ARHGAP21: variants seen among roughly 807,000 people sequenced by gnomAD.
ARHGAP21 encodes the protein Rho GTPase activating protein 21.
A neutral mutation model predicts 164.6 loss-of-function variants in ARHGAP21; 38 were observed. The observed-to-expected ratio is 0.23, with a 90% CI of 0.18 to 0.30. The LOEUF is 0.30. Among genes scored for constraint, ARHGAP21 ranks in the 10% least tolerant of loss-of-function variants. The pLI, the probability that ARHGAP21 is intolerant of heterozygous loss-of-function variation, is 1.00. For synonymous variants in ARHGAP21, 766 were observed against 857.9 expected, an observed-to-expected ratio of 0.89 and a Z score of 1.87; for missense variants, 1,822 against 2,370.7, an observed-to-expected ratio of 0.77 and a Z score of 4.81.
intron 4 of ARHGAP21, chr10:24,648,994 T>G: frequency 2.0e-5 from 7 of 353,670 alleles, no homozygotes; most frequent in Non-Finnish European, 2.8e-5. Flanking sequence ...ACATATAGAA[T>G]CACTTTTATT....
chr10:24,632,826 T>C (rs1490175112), intron 6 of ARHGAP21, among the ~76,000 whole-genome samples: 1 of 152,108 alleles, frequency 6.6e-6, no homozygotes, highest in Non-Finnish European at 1.5e-5. Context: ...TTTGGAAAAA[T>C]TTTCTAGTTG....
Position 24,596,052 on chromosome 10 carries a change from CAAGAAAT to C in ARHGAP21, c.3478-16_3478-10del, listed in dbSNP as rs772930597. 1.3e-6 allele frequency: 2 copies of C among 1,581,400 alleles called. No homozygotes were observed. The highest frequency in any genetic ancestry group is 2.7e-5 in the African/African-American group (2 of 73,658). On this transcript the variant is annotated splice_polypyrimidine_tract_variant and intron_variant, in intron 17 of 25. Coordinates refer to ENST00000396432, the MANE Select transcript of ARHGAP21 (RefSeq NM_020824.4). ...ACTATTAATGGAATATACTGCAAAA[CAAGAAAT>C]AAACATTTTATTTAATGCAGCACAA...
At chr10:24,591,586 G>A in intron 23 of ARHGAP21, 56 bp downstream of exon 23, 1 of 1,591,926 alleles carries the variant, frequency 6.3e-7, no homozygotes, top group Non-Finnish European at 8.6e-7. Context: ...TGGCGCGCCA[G>A]GATCTTGTGT....
Position 24,621,092 on chromosome 10 carries a change from T to C in ARHGAP21, c.803A>G (p.Asn268Ser), listed in dbSNP as rs749276398. 2.1e-4 allele frequency: 336 copies of C among 1,613,872 alleles called. No homozygotes were observed. Among genetic ancestry groups the C allele is most frequent in the Non-Finnish European group, 2.7e-4 (318 of 1,179,866 alleles). Residue 268 changes from asparagine to serine, a missense_variant, in exon 9 of 26, where the codon AAT (asparagine) becomes AGT (serine). By Grantham distance (46) the Asn-to-Ser change is conservative. Coordinates refer to ENST00000396432, the MANE Select transcript of ARHGAP21 (RefSeq NM_020824.4). ...AKSNTAVCVCNESVRTVIVPS... is the reference protein window; with the variant it reads ...AKSNTAVCVCSESVRTVIVPS... The stretch of plus-strand genomic sequence containing the variant: ...CACAATGACAGTCCTTACACTTTCA[T>C]TGCAAACACACACTGCTGTGTTTGA...
intron 9 of ARHGAP21, 66 bp downstream of exon 9, chr10:24,619,406 AT>A: frequency 1.4e-6 from 2 of 1,465,002 alleles, no homozygotes; most frequent in Admixed American, 4.1e-5. Flanking sequence ...TGAACTAGAA[AT>A]AATACTTTTC....
intron 12 of ARHGAP21, 147 bp downstream of exon 12, chr10:24,604,165 C>G (rs114637203): frequency 1.1e-4 from 57 of 514,346 alleles, no homozygotes; most frequent in African/African-American, 1.1e-3. Flanking sequence ...CTGATAAAGT[C>G]AGAAAAATCA....
At chr10:24,689,812 GTATA>G (rs763454965) in intron 2 of ARHGAP21, among the ~76,000 whole-genome samples, 1 of 149,080 alleles carries the variant, frequency 6.7e-6, no homozygotes, top group Non-Finnish European at 1.5e-5. Flanking sequence ...ATATGTATGT[GTATA>G]TATATGTATA....
At chr10:24,631,828 A>G (rs113371079) in intron 6 of ARHGAP21, among the ~76,000 whole-genome samples, 4,675 of 152,232 alleles carry the variant, frequency 0.031, 250 homozygotes, top group African/African-American at 0.11. Flanking sequence ...TCCTGGACTC[A>G]GGTGATCCTC....
chr10:24,608,809 A>G (rs1419612484), intron 9 of ARHGAP21, among the ~76,000 whole-genome samples: 1 of 152,158 alleles, frequency 6.6e-6, no homozygotes. Context: ...TAGGAAGAGA[A>G]GACATTTTGA....
chr10:24,677,493 T>A (rs1162891076), intron 2 of ARHGAP21, among the ~76,000 whole-genome samples: 1 of 152,218 alleles, frequency 6.6e-6, no homozygotes, highest in Non-Finnish European at 1.5e-5. Flanking sequence ...GCTATTTGTG[T>A]GAATGAAGTC....
chr10:24,687,555 GC>G (rs1272772876), intron 2 of ARHGAP21, among the ~76,000 whole-genome samples: 1 of 152,102 alleles, frequency 6.6e-6, no homozygotes, highest in Non-Finnish European at 1.5e-5. Context: ...ATACAGATAT[GC>G]CTATTTTTAC....
rs565514908 is a variant in ARHGAP21, at chr10:24,620,236, A to G, written c.1659T>C (p.Phe553=). The change falls in exon 9 of 26, where the codon TTT becomes TTC. Residue 553 remains phenylalanine (F), a synonymous_variant. Coordinates refer to ENST00000396432, the MANE Select transcript of ARHGAP21 (RefSeq NM_020824.4). ...RPRQQEIHKS[F]RGSNFTVAPS... is the part of the protein sequence containing the mutation. ...GAGCCACAGTAAAATTGGAACCTCG[A>G]AAAGATTTATGAATTTCTTGCTGCC... The G allele has an allele frequency of 8.1e-6, 13 of 1,613,990 alleles. No homozygotes were observed. The African/African-American group carries it at 1.5e-4, about 18-fold the overall frequency.
At chr10:24,612,856 A>AAACT (rs2077328360) in intron 9 of ARHGAP21, among the ~76,000 whole-genome samples, 1 of 150,058 alleles carries the variant, frequency 6.7e-6, no homozygotes, top group Non-Finnish European at 1.5e-5. Flanking sequence ...CTCTGTTTCA[A>AAACT]AAATAAATAA....
chr10:24,723,102 G>A (rs1404762773), intron 1 of ARHGAP21: 1 of 151,726 alleles, frequency 6.6e-6, no homozygotes, highest in Admixed American at 6.6e-5. Flanking sequence ...GCCCCAATAT[G>A]GACTTTCTCA....
chr10:24,635,093 TC>T lies in ARHGAP21; in HGVS notation c.278del (p.Arg93LysfsTer33). On this transcript the variant is annotated frameshift_variant, in exon 5 of 26. Coordinates refer to ENST00000396432, the MANE Select transcript of ARHGAP21 (RefSeq NM_020824.4). LOFTEE classifies it high-confidence loss of function. ...EENGNRGGKQ[R>X]NRLEPMDTIF... ...TGGTATCCATTGGTTCCAAGCGGTT[TC>T]TTTGTTTTCCTGTTACAGAGAAGCC... 6.3e-7 allele frequency: 1 copy of T among 1,589,714 alleles called. No individual in the cohort carries two copies. Among genetic ancestry groups the T allele is most frequent in the African/African-American group, 1.4e-5 (1 of 73,918 alleles).
At chr10:24,703,412 T>C (rs1169009250) in intron 2 of ARHGAP21, among the ~76,000 whole-genome samples, 1 of 152,114 alleles carries the variant, frequency 6.6e-6, no homozygotes, top group Non-Finnish European at 1.5e-5. Context: ...ATCCAGGTTA[T>C]CTCATTTTAA....
chr10:24,677,975 TAC>T (rs745851821), intron 2 of ARHGAP21, among the ~76,000 whole-genome samples: 14 of 151,990 alleles, frequency 9.2e-5, no homozygotes, highest in Non-Finnish European at 1.2e-4. Context: ...TAAGAAATAA[TAC>T]ACAGTCAGGC....
chr10:24,703,310 T>C (rs943599112), intron 2 of ARHGAP21, among the ~76,000 whole-genome samples: 4 of 152,224 alleles, frequency 2.6e-5, no homozygotes, highest in Non-Finnish European at 5.9e-5. Context: ...GTAAATCTCA[T>C]ATAACATCAC....
At chr10:24,713,298 T>A (rs1437900915) in intron 2 of ARHGAP21, among the ~76,000 whole-genome samples, 1 of 152,174 alleles carries the variant, frequency 6.6e-6, no homozygotes, top group East Asian at 1.9e-4. Flanking sequence ...AGAGCCCTCT[T>A]CAGAACAGAG....
Sources: gnomAD v4.1 joint callset for allele counts (sites outside exome capture counted in the v4.1 genomes callset) on GRCh38, gnomAD v4.1.1 for gene constraint, MANE v1.5 for transcripts, NCBI Gene and HGNC (gene_info 2026-07-23, HGNC 2026-07-21) for gene names.